NELL1: variants seen among roughly 807,000 people sequenced by gnomAD.
NELL1 encodes protein kinase C-binding protein NELL1.
In NELL1, 76 loss-of-function variants were observed where a neutral mutation model predicts 107.4. The observed-to-expected ratio is 0.71, with a 90% CI of 0.59 to 0.86. The LOEUF is 0.86. Ranked by LOEUF, NELL1 falls within the 40% of genes least tolerant of loss-of-function variation. The pLI is 0.00. For missense variants in NELL1, 1,024 were observed against 1,005.5 expected, an observed-to-expected ratio of 1.02 and a Z score of -0.25; for synonymous variants, 353 against 341.2, an observed-to-expected ratio of 1.03 and a Z score of -0.38.
intron 2 of NELL1, among the ~76,000 whole-genome samples, chr11:20,714,720 GTTA>G (rs1263781388): frequency 6.6e-6 from 1 of 151,856 alleles, no homozygotes; most frequent in Non-Finnish European, 1.5e-5. Flanking sequence ...ATTAATTAAT[GTTA>G]TTATTAAGAG....
chr11:20,698,142 C>T (rs1478203999), intron 2 of NELL1, among the ~76,000 whole-genome samples: 1 of 152,204 alleles, frequency 6.6e-6, no homozygotes, highest in Non-Finnish European at 1.5e-5. Flanking sequence ...ATTCAATTCA[C>T]ATACCAGTGT....
intron 13 of NELL1, among the ~76,000 whole-genome samples, chr11:21,144,759 A>G (rs1855940935): frequency 6.6e-6 from 1 of 152,208 alleles, no homozygotes; most frequent in South Asian, 2.1e-4. Context: ...GCTAAGCATG[A>G]ACAGTAGTTT....
In NELL1 at chr11:20,934,073, CT is replaced by C. The variant is rs573923562; in HGVS notation, c.998-3712del. Among the ~76,000 whole-genome samples the C allele has an allele frequency of 4.4e-3, 666 of 152,222 alleles. 3 individuals carry two copies. Among genetic ancestry groups the C allele is most frequent in the African/African-American group, 0.015 (635 of 41,552 alleles). ...ATGCCCCAGCCAAACGCACCAGAGC[CT>C]GACTCACCTTATGCTTGAATTTCCT... On this transcript the variant is annotated intron_variant, in intron 9 of 19. Transcript: ENST00000357134.
intron 12 of NELL1, among the ~76,000 whole-genome samples, chr11:21,067,573 T>A (rs1474864681): frequency 6.6e-6 from 1 of 152,160 alleles, no homozygotes; most frequent in East Asian, 1.9e-4. Context: ...GAGAGGAAGT[T>A]CTCTTTCCTT....
intron 18 of NELL1, among the ~76,000 whole-genome samples, chr11:21,572,622 C>T (rs901302768): frequency 3.3e-5 from 5 of 151,236 alleles, no homozygotes; most frequent in South Asian, 2.1e-4. Context: ...ATTTGAACTG[C>T]AATCTAGAAA....
intron 16 of NELL1, among the ~76,000 whole-genome samples, chr11:21,554,081 G>A (rs72965264): frequency 0.017 from 2,574 of 151,856 alleles, 53 homozygotes; most frequent in Middle Eastern, 0.071. Flanking sequence ...TGTTTAAACA[G>A]CAAGTATTTC....
At chr11:20,906,008 T>A (rs1193493722) in intron 5 of NELL1, among the ~76,000 whole-genome samples, 2 of 152,018 alleles carry the variant, frequency 1.3e-5, no homozygotes, top group African/African-American at 4.8e-5. Context: ...CATCAAAAGA[T>A]AAACGCAAAG....
At chr11:21,022,502 A>G (rs975931810) in intron 12 of NELL1, among the ~76,000 whole-genome samples, 2 of 152,144 alleles carry the variant, frequency 1.3e-5, no homozygotes, top group African/African-American at 4.8e-5. Context: ...AAATGGGACT[A>G]AGTCCAAAGT....
intron 16 of NELL1, among the ~76,000 whole-genome samples, chr11:21,546,521 G>T (rs1425424104): frequency 6.6e-6 from 1 of 151,848 alleles, no homozygotes; most frequent in Non-Finnish European, 1.5e-5. Context: ...CATGGGGGAG[G>T]GTTTTCCCTG....
chr11:20,684,177 C>G (rs929836967), intron 2 of NELL1, among the ~76,000 whole-genome samples: 1 of 151,608 alleles, frequency 6.6e-6, no homozygotes, highest in Non-Finnish European at 1.5e-5. Flanking sequence ...AGGTTTGAGG[C>G]AGGAGGATTG....
intron 15 of NELL1, among the ~76,000 whole-genome samples, chr11:21,398,514 G>A (rs956277453): frequency 6.6e-6 from 1 of 151,588 alleles, no homozygotes; most frequent in Non-Finnish European, 1.5e-5. Context: ...GCATAAATTA[G>A]GTTTGGAAAG....
At chr11:21,283,214 A>C (rs146709337) in intron 14 of NELL1, among the ~76,000 whole-genome samples, 308 of 152,294 alleles carry the variant, frequency 2.0e-3, no homozygotes, top group African/African-American at 7.2e-3. Context: ...GAGGTGATGG[A>C]TATCCCATTT....
chr11:20,757,388 C>T (rs1204432324), intron 2 of NELL1, among the ~76,000 whole-genome samples: 1 of 152,166 alleles, frequency 6.6e-6, no homozygotes, highest in Non-Finnish European at 1.5e-5. Flanking sequence ...GTAAATTCCA[C>T]CATCCATGCT....
intron 12 of NELL1, among the ~76,000 whole-genome samples, chr11:21,108,029 G>A (rs932749673): frequency 6.6e-6 from 1 of 152,146 alleles, no homozygotes; most frequent in African/African-American, 2.4e-5. Flanking sequence ...TCCCTGGGAT[G>A]GTTAGGAGCA....
At chr11:21,549,833 G>T (rs757969159) in intron 16 of NELL1, among the ~76,000 whole-genome samples, 1 of 148,066 alleles carries the variant, frequency 6.8e-6, no homozygotes, top group Non-Finnish European at 1.5e-5. Context: ...ATAAATTATT[G>T]CAATAGGGAA....
intron 4 of NELL1, among the ~76,000 whole-genome samples, chr11:20,857,666 C>T (rs1040922621): frequency 3.9e-5 from 6 of 152,210 alleles, no homozygotes; most frequent in African/African-American, 1.2e-4. Context: ...AGTACATGCT[C>T]AGTCTCTGCA....
At chr11:21,070,863 C>G (rs1214750893) in intron 12 of NELL1, among the ~76,000 whole-genome samples, 1 of 152,138 alleles carries the variant, frequency 6.6e-6, no homozygotes, top group African/African-American at 2.4e-5. Context: ...GGTCAACTAT[C>G]CCTCTTGCCA....
chr11:21,062,310 G>A (rs546281716), intron 12 of NELL1, among the ~76,000 whole-genome samples: 34 of 152,152 alleles, frequency 2.2e-4, no homozygotes, highest in African/African-American at 7.2e-4. Flanking sequence ...ATTTGTTAAC[G>A]GTGATTACTG....
intron 14 of NELL1, among the ~76,000 whole-genome samples, chr11:21,296,091 T>C (rs1164345481): frequency 6.6e-6 from 1 of 152,042 alleles, no homozygotes; most frequent in Non-Finnish European, 1.5e-5. Context: ...ATTGTATATG[T>C]CTAAACACAA....
Sources: allele counts gnomAD v4.1 joint callset (sites outside exome capture counted in the v4.1 genomes callset), GRCh38; gene constraint gnomAD v4.1.1; transcripts MANE v1.5; gene names NCBI Gene and HGNC (gene_info 2026-07-23, HGNC 2026-07-21).